The following ASAP1 variants were observed in gnomAD, a reference collection of about 807,000 sequenced individuals.
The protein encoded by ASAP1 is arf-GAP with SH3 domain, ANK repeat and PH domain-containing protein 1.
ASAP1 carries 43 observed loss-of-function variants against 145.2 expected under a neutral mutation model. That is an observed-to-expected ratio of 0.30 (90% CI 0.23 to 0.38). The LOEUF (loss-of-function observed/expected upper bound fraction) is 0.38, where lower values mean the gene tolerates loss of function less well. Ranked by LOEUF, ASAP1 falls within the 10% of genes least tolerant of loss-of-function variation. The pLI is 1.00. For missense variants in ASAP1, 1,018 were observed against 1,355.3 expected (o/e 0.75, Z 3.91); for synonymous variants, 546 against 515.5 (o/e 1.06, Z -0.80).
intron 27 of ASAP1, among the ~76,000 whole-genome samples, chr8:130,073,712 C>A (rs888031902): frequency 6.6e-6 from 1 of 152,126 alleles, no homozygotes. Context: ...GCTGGCCCAT[C>A]GGCTTGCAGA....
intron 27 of ASAP1, among the ~76,000 whole-genome samples, chr8:130,070,337 G>T (rs550204109): frequency 6.6e-6 from 1 of 152,124 alleles, no homozygotes; most frequent in Non-Finnish European, 1.5e-5. Context: ...GTGCCCGGCC[G>T]ACTGCATCTC....
At chr8:130,262,530 G>GA (rs1200645226) in intron 3 of ASAP1, among the ~76,000 whole-genome samples, 3 of 148,034 alleles carry the variant, frequency 2.0e-5, no homozygotes, top group Admixed American at 6.8e-5. Context: ...GCTTGAGGTA[G>GA]AAAATAATTA....
intron 4 of ASAP1, among the ~76,000 whole-genome samples, chr8:130,229,667 A>G (rs1817791598): frequency 1.3e-5 from 2 of 152,234 alleles, no homozygotes; most frequent in South Asian, 4.1e-4. Context: ...TTACCAAAAT[A>G]AATCATTAAA....
chr8:130,357,099 G>A (rs55759431), intron 3 of ASAP1, among the ~76,000 whole-genome samples: 3,152 of 152,294 alleles, frequency 0.021, 31 homozygotes, highest in Middle Eastern at 0.041. Context: ...TGGCCCCAGA[G>A]GCTTCTGCTG....
intron 5 of ASAP1, among the ~76,000 whole-genome samples, chr8:130,200,901 A>C (rs984362545): frequency 6.6e-6 from 1 of 152,254 alleles, no homozygotes; most frequent in Non-Finnish European, 1.5e-5. Context: ...ATAAAAGTGA[A>C]TCTGGAGAGA....
At position 130,361,782 on chromosome 8, in the gene ASAP1, A is replaced by G. The variant is rs966103523; in HGVS notation, c.60-3639T>C. The stretch of plus-strand genomic sequence containing the variant: ...ATCATTCCTGGATATCTGAAAGCAA[A>G]TAGAGACTGACATGGGCAAAACGTA... On this transcript the variant is annotated intron_variant, in intron 2 of 29. Transcript: ENST00000518721. 3 of 1,516,752 alleles carry G rather than the reference A, an allele frequency of 2.0e-6. No homozygotes were observed. In the Admixed American group the frequency reaches 5.9e-5, roughly 30 times the overall value. 94.0% of individuals were successfully genotyped at this position (1,516,752 alleles called of 1,614,324 possible). A position where few individuals can be genotyped will look rare whatever the true frequency, so the allele number is the denominator to read the frequency against.
chr8:130,356,571 A>G (rs887201923), intron 3 of ASAP1, among the ~76,000 whole-genome samples: 8 of 152,184 alleles, frequency 5.3e-5, no homozygotes, highest in Non-Finnish European at 8.8e-5. Flanking sequence ...AAATCCATTT[A>G]CCTCTGGTTT....
At chr8:130,227,922 T>C (rs1243422353) in intron 4 of ASAP1, among the ~76,000 whole-genome samples, 1 of 152,132 alleles carries the variant, frequency 6.6e-6, no homozygotes, top group Non-Finnish European at 1.5e-5. Flanking sequence ...CCTTTCTGGG[T>C]GCACAGTTGG....
chr8:130,307,997 T>C (rs890720317), intron 3 of ASAP1, among the ~76,000 whole-genome samples: 22 of 152,376 alleles, frequency 1.4e-4, no homozygotes, highest in African/African-American at 4.3e-4. Context: ...TTTCCTGACA[T>C]AGAATTAATT....
chr8:130,248,535 T>A (rs760604574), intron 3 of ASAP1, among the ~76,000 whole-genome samples: 1 of 152,078 alleles, frequency 6.6e-6, no homozygotes, highest in Non-Finnish European at 1.5e-5. Context: ...GACTGGATTG[T>A]ATTCTGGAGG....
intron 12 of ASAP1, 143 bp downstream of exon 12, chr8:130,159,721 C>T (rs1408466442): frequency 4.9e-5 from 32 of 652,212 alleles, no homozygotes; most frequent in Admixed American, 4.3e-4. Flanking sequence ...GGTCAAATCT[C>T]GGATTTACTT....
rs1826549000 is a variant in ASAP1 at position 130,358,861 on chromosome 8, C to G, written c.60-718G>C. 6.6e-6 allele frequency among the ~76,000 whole-genome samples: 1 copy of G among 151,974 alleles called. No homozygotes were observed. Among genetic ancestry groups the G allele is most frequent in the South Asian group, 2.1e-4 (1 of 4,834 alleles). On this transcript the variant is annotated intron_variant, in intron 2 of 29. Transcript: ENST00000518721. This position sits in a 1 kb window ranked among gnomAD's most constrained non-coding sequence, Gnocchi z 4.1. ...GGAAGCCCGAGTCCCTGGTTCGCCCCCGGAGCGGTTACTTCAGCGAGCTCG... is the reference window on the plus strand; with the variant it reads ...GGAAGCCCGAGTCCCTGGTTCGCCCGCGGAGCGGTTACTTCAGCGAGCTCG...
At chr8:130,104,086 C>G (rs1232158959) in intron 24 of ASAP1, among the ~76,000 whole-genome samples, 1 of 152,176 alleles carries the variant, frequency 6.6e-6, no homozygotes, top group Non-Finnish European at 1.5e-5. Flanking sequence ...AGGGCATGAT[C>G]TGTACTGTCT....
intron 2 of ASAP1, among the ~76,000 whole-genome samples, chr8:130,399,599 C>T (rs954055407): frequency 5.3e-5 from 8 of 152,206 alleles, no homozygotes; most frequent in African/African-American, 1.9e-4. Context: ...CCTCCAGCCT[C>T]TCACTTCATC....
chr8:130,320,782 T>C (rs1193374229), intron 3 of ASAP1, among the ~76,000 whole-genome samples: 1 of 151,968 alleles, frequency 6.6e-6, no homozygotes, highest in African/African-American at 2.4e-5. Context: ...ACTCTGAAAG[T>C]AGAATTTACC....
intron 11 of ASAP1, among the ~76,000 whole-genome samples, chr8:130,167,264 C>A (rs148886160): frequency 6.6e-6 from 1 of 151,714 alleles, no homozygotes; most frequent in African/African-American, 2.4e-5. Flanking sequence ...CCGCCTCACT[C>A]TAGCCTGGGT....
chr8:130,152,929 C>G (rs187825110), intron 12 of ASAP1, 124 bp from the exon 13 acceptor site: 9 of 641,106 alleles, frequency 1.4e-5, no homozygotes, highest in African/African-American at 9.2e-5. Context: ...TCCAACCCCC[C>G]CAAAAAAATC....
chr8:130,072,791 A>ATGTGTGTGTG (rs1491261390), intron 27 of ASAP1, among the ~76,000 whole-genome samples: 974 of 91,096 alleles, frequency 0.011, 84 homozygotes, highest in African/African-American at 0.037. Context: ...CTTGCAATTG[A>ATGTGTGTGTG]TATGTGTGTG....
chr8:130,269,659 TAA>T (rs1820472561), intron 3 of ASAP1, among the ~76,000 whole-genome samples: 2 of 152,162 alleles, frequency 1.3e-5, no homozygotes, highest in African/African-American at 4.8e-5. Context: ...CTTTCACCCC[TAA>T]GGGGGTCACT....
Sources: gnomAD v4.1 joint callset for allele counts (sites outside exome capture counted in the v4.1 genomes callset) on GRCh38, gnomAD v4.1.1 for gene constraint, Gnocchi (gnomAD v3.1) non-coding constraint, MANE v1.5 for transcripts, NCBI Gene and HGNC (gene_info 2026-07-23, HGNC 2026-07-21) for gene names.